The following RANBP9 variants were observed in gnomAD, a reference collection of about 807,000 sequenced individuals.
The protein encoded by RANBP9 is ran-binding protein 9.
Under a neutral mutation model 84.3 loss-of-function variants are expected in RANBP9, and 15 were observed. The observed-to-expected ratio is 0.18, with a 90% confidence interval of 0.12 to 0.27. The LOEUF is 0.27. RANBP9 is among the 10% of genes least tolerant of loss of function. The pLI is 1.00. For missense variants in RANBP9, 809 were observed against 912.8 expected, an observed-to-expected ratio of 0.89 and a Z score of 1.46; for synonymous variants, 392 against 349.6, an observed-to-expected ratio of 1.12 and a Z score of -1.35.
At chr6:13,690,547 C>T (rs1391705513) in intron 2 of RANBP9, among the ~76,000 whole-genome samples, 2 of 152,134 alleles carry the variant, frequency 1.3e-5, no homozygotes, top group African/African-American at 4.8e-5. Flanking sequence ...AATTTAGGAA[C>T]AGAACAGAGA....
intron 1 of RANBP9, among the ~76,000 whole-genome samples, chr6:13,710,690 G>C (rs540046449): frequency 1.3e-5 from 2 of 152,188 alleles, no homozygotes; most frequent in Non-Finnish European, 2.9e-5. Flanking sequence ...CCTGGTCTAG[G>C]ATTACCAGCT....
intron 10 of RANBP9, among the ~76,000 whole-genome samples, chr6:13,635,485 T>C (rs56167238): frequency 0.029 from 4,419 of 150,600 alleles, 99 homozygotes; most frequent in Non-Finnish European, 0.043. Context: ...AAAAGCAATA[T>C]ATATTCAATT....
chr6:13,637,702 A>G, intron 10 of RANBP9, 106 bp downstream of exon 10: 4 of 1,190,076 alleles, frequency 3.4e-6, no homozygotes, highest in Non-Finnish European at 4.6e-6. Context: ...GAACTCCCAG[A>G]GCCCCTCTGT....
At chr6:13,632,777 C>A in intron 11 of RANBP9, 2 of 212,062 alleles carry the variant, frequency 9.4e-6, no homozygotes, top group Non-Finnish European at 9.0e-6. Flanking sequence ...TTAGAGGGTA[C>A]TTATGTCAGA....
intron 2 of RANBP9, among the ~76,000 whole-genome samples, chr6:13,674,317 A>G (rs1765840888): frequency 6.6e-6 from 1 of 152,194 alleles, no homozygotes. Flanking sequence ...AGGGATGGAG[A>G]AATACATACA....
chr6:13,694,582 T>C (rs1379176640), intron 2 of RANBP9, among the ~76,000 whole-genome samples: 3 of 152,202 alleles, frequency 2.0e-5, no homozygotes, highest in African/African-American at 7.2e-5. Flanking sequence ...CATTTATCTG[T>C]GGTTTTGCTT....
At position 13,622,227 on chromosome 6, in the gene RANBP9, A is replaced by AG; in HGVS notation, c.*134dup. 1 of 861,424 alleles carries AG rather than the reference A, an allele frequency of 1.2e-6. No homozygotes were observed. The highest frequency in any genetic ancestry group is 1.7e-5 in the African/African-American group (1 of 57,268). The allele number at this position is 861,424 out of a possible 1,614,324, so 53.4% of individuals were successfully genotyped here. A position where few individuals can be genotyped will look rare whatever the true frequency, so the allele number is the denominator to read the frequency against. ...AATCATTTGCATCATGCTGTAAACTAGGAAGCAATGTAAAGCGACAAAAAC... is the reference window on the plus strand; with the variant it reads ...AATCATTTGCATCATGCTGTAAACTAGGGAAGCAATGTAAAGCGACAAAAAC... On this transcript the variant is annotated 3_prime_UTR_variant, in exon 14 of 14. Transcript: ENST00000011619.
At chr6:13,693,171 A>G (rs897982495) in intron 2 of RANBP9, among the ~76,000 whole-genome samples, 4 of 152,226 alleles carry the variant, frequency 2.6e-5, no homozygotes, top group Non-Finnish European at 5.9e-5. Flanking sequence ...TTAATTAGCT[A>G]GGCAAATAGA....
At chr6:13,700,786 T>C (rs1284047743) in intron 1 of RANBP9, among the ~76,000 whole-genome samples, 1 of 152,138 alleles carries the variant, frequency 6.6e-6, no homozygotes, top group African/African-American at 2.4e-5. Flanking sequence ...ACCTGTAATA[T>C]CGGGCACAGT....
At chr6:13,686,013 C>A (rs147169824) in intron 2 of RANBP9, among the ~76,000 whole-genome samples, 4 of 148,490 alleles carry the variant, frequency 2.7e-5, no homozygotes, top group Middle Eastern at 3.6e-3. Flanking sequence ...GTATTGATAG[C>A]AATTAATTAT....
At chr6:13,685,801 G>A (rs372083458) in intron 2 of RANBP9, among the ~76,000 whole-genome samples, 1 of 151,706 alleles carries the variant, frequency 6.6e-6, no homozygotes, top group Admixed American at 6.6e-5. Flanking sequence ...GGTGGTGTGC[G>A]CCTGTAGTCC....
intron 2 of RANBP9, among the ~76,000 whole-genome samples, chr6:13,685,051 C>T (rs80072328): frequency 0.015 from 2,310 of 152,324 alleles, 26 homozygotes; most frequent in Non-Finnish European, 0.024. Flanking sequence ...AGGTCTCTCC[C>T]ACCCAAACAT....
intron 1 of RANBP9, among the ~76,000 whole-genome samples, chr6:13,705,012 C>T (rs1758066798): frequency 6.6e-6 from 1 of 152,142 alleles, no homozygotes; most frequent in Non-Finnish European, 1.5e-5. Context: ...CTCTGAGTGT[C>T]CAGAACCTAG....
At chr6:13,671,301 T>C (rs1765773777) in intron 2 of RANBP9, among the ~76,000 whole-genome samples, 1 of 152,180 alleles carries the variant, frequency 6.6e-6, no homozygotes, top group Admixed American at 6.5e-5. Context: ...TACACTCCCA[T>C]TTTCTGCAAT....
chr6:13,659,549 G>A (rs1017610792), intron 2 of RANBP9, among the ~76,000 whole-genome samples: 3 of 151,968 alleles, frequency 2.0e-5, no homozygotes, highest in Admixed American at 6.6e-5. Flanking sequence ...AACAAAACCT[G>A]ATAAATATAG....
At position 13,657,274 on chromosome 6, in the gene RANBP9, A is replaced by G; in HGVS notation, c.739T>C (p.Trp247Arg). 1 of 1,609,534 alleles carries G rather than the reference A, an allele frequency of 6.2e-7. No individual in the cohort carries two copies. Among genetic ancestry groups the G allele is most frequent in the Non-Finnish European group, 8.5e-7 (1 of 1,177,710 alleles). Residue 247 changes from tryptophan (W) to arginine (R), a missense_variant and splice_region_variant, in exon 4 of 14, where the codon TGG becomes CGG. Trp to Arg is a moderately radical substitution (Grantham distance 101). Transcript: ENST00000011619. ...TGGTAACCATATGAATGCTTATCCC[A>G]ACCTAAGGAGAAAGTTCCGGCATAT... ...QGVNMNRLPGWDKHSYGYHGD... is the reference protein window; with the variant it reads ...QGVNMNRLPGRDKHSYGYHGD...
At chr6:13,708,871 A>G (rs533389406) in intron 1 of RANBP9, among the ~76,000 whole-genome samples, 19 of 152,218 alleles carry the variant, frequency 1.2e-4, no homozygotes, top group African/African-American at 4.1e-4. Context: ...AGACAAGAGG[A>G]AGAGGCAGTA....
chr6:13,623,575 C>T (rs1017230874), intron 13 of RANBP9, among the ~76,000 whole-genome samples: 7 of 152,094 alleles, frequency 4.6e-5, no homozygotes, highest in Admixed American at 1.3e-4. Flanking sequence ...CAGGGAAGAC[C>T]GTGCTCAAAG....
At chr6:13,651,917 CCTCT>C (rs1191516865) in intron 5 of RANBP9, among the ~76,000 whole-genome samples, 1 of 152,112 alleles carries the variant, frequency 6.6e-6, no homozygotes, top group Non-Finnish European at 1.5e-5. Context: ...CCTCCTCACT[CCTCT>C]CTACCACACT....
Sources: gnomAD v4.1 joint callset for allele counts (sites outside exome capture counted in the v4.1 genomes callset) on GRCh38, gnomAD v4.1.1 for gene constraint, MANE v1.5 for transcripts, NCBI Gene and HGNC (gene_info 2026-07-23, HGNC 2026-07-21) for gene names.